The following UBXN2A variants were observed in gnomAD, a reference collection of about 807,000 sequenced individuals.
UBXN2A encodes UBX domain-containing protein 2A.
Under a neutral mutation model 28.4 loss-of-function variants are expected in UBXN2A, and 28 were observed. That is an observed-to-expected ratio of 0.99 (90% CI 0.73 to 1.35). The LOEUF is 1.35. Ranked by LOEUF, UBXN2A falls within the 40% of genes most tolerant of loss-of-function variation. The pLI is 0.00. For missense variants in UBXN2A, 253 were observed against 297.9 expected (o/e 0.85, Z 1.11); for synonymous variants, 97 against 103.6 (o/e 0.94, Z 0.39).
At chr2:23,950,230 C>A (rs973818306) in intron 1 of UBXN2A, among the ~76,000 whole-genome samples, 3 of 152,092 alleles carry the variant, frequency 2.0e-5, no homozygotes, top group Non-Finnish European at 4.4e-5. Flanking sequence ...TCTAATATTT[C>A]ATCTTTATGG....
At chr2:23,942,495 C>T (rs1439339821) in intron 1 of UBXN2A, among the ~76,000 whole-genome samples, 1 of 138,034 alleles carries the variant, frequency 7.2e-6, no homozygotes. Flanking sequence ...ACGATCTTGG[C>T]TCACTGCAAT....
chr2:23,995,809 TTA>T (rs1339249370), intron 6 of UBXN2A, among the ~76,000 whole-genome samples: 1 of 152,182 alleles, frequency 6.6e-6, no homozygotes, highest in Non-Finnish European at 1.5e-5. Context: ...TGTCCAGCTT[TTA>T]TAGCAATATT....
chr2:23,967,953 G>T (rs1324187893), intron 2 of UBXN2A, among the ~76,000 whole-genome samples: 1 of 151,318 alleles, frequency 6.6e-6, no homozygotes, highest in African/African-American at 2.4e-5. Context: ...AAGAGATGAG[G>T]TCTCACTATG....
At chr2:23,940,440 G>T (rs576011706), upstream of UBXN2A, 1,635 of 151,046 alleles carry the variant, frequency 0.011, 17 homozygotes, top group Middle Eastern at 0.038. Context: ...CCTCGGGTCT[G>T]CGCGGAGCCG....
chr2:23,982,522 G>T (rs1479797007), intron 4 of UBXN2A, among the ~76,000 whole-genome samples: 2 of 151,058 alleles, frequency 1.3e-5, no homozygotes, highest in East Asian at 2.0e-4. Context: ...TGGTTGGGGG[G>T]CAGTGGTTCA....
At chr2:23,939,065 C>T (rs760721452), upstream of UBXN2A, among the ~76,000 whole-genome samples, 1 of 152,056 alleles carries the variant, frequency 6.6e-6, no homozygotes, top group Non-Finnish European at 1.5e-5. Flanking sequence ...AGGTGAGGAT[C>T]AATCTCAATC....
At chr2:23,952,966 G>GT (rs10593464) in intron 1 of UBXN2A, among the ~76,000 whole-genome samples, 1 of 142,940 alleles carries the variant, frequency 7.0e-6, no homozygotes, top group African/African-American at 2.6e-5. Context: ...GCTCTTAGTT[G>GT]TTTTTTTTTT....
intron 6 of UBXN2A, among the ~76,000 whole-genome samples, chr2:23,990,755 CAGAG>C (rs903965500): frequency 3.4e-5 from 5 of 147,228 alleles, no homozygotes; most frequent in Non-Finnish European, 5.9e-5. Flanking sequence ...GCCTGGGTGA[CAGAG>C]TGAGACTCCA....
At chr2:23,955,562 G>A (rs1706581732) in intron 1 of UBXN2A, among the ~76,000 whole-genome samples, 1 of 152,152 alleles carries the variant, frequency 6.6e-6, no homozygotes, top group South Asian at 2.1e-4. Context: ...TTTTGTCATT[G>A]TGTGAATATC....
Position 23,928,846 on chromosome 2 carries a change from C to G in UBXN2A, c.-138+1231C>G, listed in dbSNP as rs562775088. Among the ~76,000 whole-genome samples, 5 of 152,236 alleles carry G rather than the reference C, an allele frequency of 3.3e-5. No homozygotes were observed. The East Asian group carries it at 9.7e-4, about 29-fold the overall frequency. ...AAATCCTTCTGACACAATTTGCATA[C>G]CACATCCTCTCCTGGACACTTCACC... On this transcript the variant is annotated intron_variant, in intron 1 of 7. Transcript: ENST00000404924.
chr2:23,974,186 T>C (rs1322296116), intron 3 of UBXN2A, among the ~76,000 whole-genome samples: 1 of 148,924 alleles, frequency 6.7e-6, no homozygotes, highest in Non-Finnish European at 1.5e-5. Flanking sequence ...GGCTAATTTT[T>C]TTTTGTATTT....
At chr2:23,929,031 T>G (rs1203326112) in intron 1 of UBXN2A, among the ~76,000 whole-genome samples, 2 of 152,168 alleles carry the variant, frequency 1.3e-5, no homozygotes, top group African/African-American at 4.8e-5. Context: ...AGCTCACACC[T>G]GTATTCTCAG....
At position 23,984,791 on chromosome 2, in the gene UBXN2A, A is replaced by G; in HGVS notation, c.544A>G (p.Asn182Asp). 1 of 1,560,840 alleles carries G rather than the reference A, an allele frequency of 6.4e-7. No homozygotes were observed. The highest frequency in any genetic ancestry group is 8.6e-7 in the Non-Finnish European group (1 of 1,164,086). Residue 182 changes from asparagine (N) to aspartate (D), a missense_variant, in exon 6 of 7, where the codon AAT becomes GAT. By Grantham distance (23) the Asn-to-Asp change is conservative. Coordinates refer to ENST00000309033, the MANE Select transcript of UBXN2A (RefSeq NM_181713.4). ...TACTAATATACAGATCTGGTTGGCC[A>G]ATGGAAAAAGGATTGTCCAGAAATT... ...PITNIQIWLANGKRIVQKFNI... is the reference protein window; with the variant it reads ...PITNIQIWLADGKRIVQKFNI...
chr2:23,973,546 G>A (rs1162112138), intron 3 of UBXN2A, among the ~76,000 whole-genome samples: 3 of 151,264 alleles, frequency 2.0e-5, no homozygotes, highest in Non-Finnish European at 4.4e-5. Context: ...CACAGTGTTA[G>A]CCAGGATGGT....
At chr2:23,937,616 A>C (rs1017677814), upstream of UBXN2A, among the ~76,000 whole-genome samples, 1 of 152,230 alleles carries the variant, frequency 6.6e-6, no homozygotes, top group Admixed American at 6.5e-5. Flanking sequence ...GGCAATAAAA[A>C]ATCTAAAAAG....
At chr2:23,963,061 A>G (rs1191044029) in intron 2 of UBXN2A, among the ~76,000 whole-genome samples, 11 of 152,326 alleles carry the variant, frequency 7.2e-5, no homozygotes, top group South Asian at 2.1e-4. Flanking sequence ...TTTTAAAACT[A>G]TCACGTCTCG....
chr2:23,974,345 CTT>C (rs1296937516), intron 3 of UBXN2A, among the ~76,000 whole-genome samples: 1 of 130,526 alleles, frequency 7.7e-6, no homozygotes, highest in Non-Finnish European at 1.6e-5. Context: ...ATTTAACCAA[CTT>C]TTTTTTTTTT....
intron 1 of UBXN2A, among the ~76,000 whole-genome samples, chr2:23,954,156 A>C (rs933206953): frequency 6.6e-6 from 1 of 152,020 alleles, no homozygotes; most frequent in Non-Finnish European, 1.5e-5. Context: ...GGGACTACCC[A>C]TTAAGTAACT....
intron 6 of UBXN2A, among the ~76,000 whole-genome samples, chr2:23,992,210 T>C (rs1708379751): frequency 6.6e-6 from 1 of 152,202 alleles, no homozygotes; most frequent in Admixed American, 6.5e-5. Context: ...GACCTCATGA[T>C]CCTCCTGCCT....
Sources: gnomAD v4.1 joint callset for allele counts (sites outside exome capture counted in the v4.1 genomes callset) on GRCh38, gnomAD v4.1.1 for gene constraint, MANE v1.5 for transcripts, NCBI Gene and HGNC (gene_info 2026-07-23, HGNC 2026-07-21) for gene names.